Variants in SPARCL1 observed in about 807,000 individuals in gnomAD.
SPARCL1 encodes SPARC like 1.
In SPARCL1, 52 loss-of-function variants were observed where a neutral mutation model predicts 67.1. The observed-to-expected ratio is 0.78, with a 90% CI of 0.62 to 0.98. SPARCL1 has a LOEUF of 0.98. Among genes scored for constraint, SPARCL1 ranks in the 50% least tolerant of loss-of-function variants. SPARCL1 has a pLI of 0.00. For missense variants in SPARCL1, 717 were observed against 782.4 expected (o/e 0.92, Z 1.00); for synonymous variants, 226 against 267.8 (o/e 0.84, Z 1.52).
chr4:87,494,579 A>G lies in SPARCL1; in HGVS notation c.221T>C (p.Leu74Pro). ...TTCATGGCTTTCCTCTTTTGACTTTAGTACTGATGATTTTTCAGCCTTAAA... is the reference window on the plus strand; with the variant it reads ...TTCATGGCTTTCCTCTTTTGACTTTGGTACTGATGATTTTTCAGCCTTAAA... ...SHHKAEKSSV[L>P]KSKEESHEQS... is the part of the protein sequence containing the mutation. Residue 74 changes from leucine to proline, a missense_variant, in exon 4 of 11, where the codon CTA (leucine) becomes CCA (proline). Leu to Pro is a moderately conservative substitution (Grantham distance 98). Coordinates refer to ENST00000282470, the MANE Select transcript of SPARCL1 (RefSeq NM_004684.6). 6.3e-7 allele frequency: 1 copy of G among 1,581,442 alleles called. No homozygotes were observed. Among genetic ancestry groups the G allele is most frequent in the Middle Eastern group, 1.7e-4 (1 of 5,874 alleles).
intron 1 of SPARCL1, among the ~76,000 whole-genome samples, chr4:87,499,912 T>C (rs982406899): frequency 6.6e-6 from 1 of 152,028 alleles, no homozygotes; most frequent in African/African-American, 2.4e-5. Flanking sequence ...AAAAGTCATA[T>C]GTCAAGGTTG....
chr4:87,492,599 G>A (rs949520787), intron 4 of SPARCL1, among the ~76,000 whole-genome samples: 4 of 152,160 alleles, frequency 2.6e-5, no homozygotes, highest in African/African-American at 9.7e-5. Flanking sequence ...TAGAAATGTA[G>A]TATTATCTTG....
At chr4:87,493,366 C>T (rs1451738586) in intron 4 of SPARCL1, among the ~76,000 whole-genome samples, 1 of 152,212 alleles carries the variant, frequency 6.6e-6, no homozygotes, top group Non-Finnish European at 1.5e-5. Context: ...AAATAAACAA[C>T]ACTCAAATCC....
intron 1 of SPARCL1, among the ~76,000 whole-genome samples, chr4:87,503,583 T>G (rs1724934717): frequency 6.6e-6 from 1 of 152,158 alleles, no homozygotes; most frequent in Non-Finnish European, 1.5e-5. Flanking sequence ...CATATTTTCC[T>G]CTGTCATTAT....
At chr4:87,527,879 C>T (rs1726115417) in intron 1 of SPARCL1, among the ~76,000 whole-genome samples, 2 of 150,008 alleles carry the variant, frequency 1.3e-5, no homozygotes, top group Non-Finnish European at 3.0e-5. Context: ...AAAAAAAAAT[C>T]ATAGTTAACA....
chr4:87,482,209 G>C (rs1029180701), intron 8 of SPARCL1, among the ~76,000 whole-genome samples: 1 of 152,186 alleles, frequency 6.6e-6, no homozygotes, highest in Non-Finnish European at 1.5e-5. Context: ...TCAGGCCACT[G>C]ACCATTGGGA....
At position 87,491,647 on chromosome 4, in the gene SPARCL1, C is replaced by T. The variant is rs1724332116; in HGVS notation, c.1262G>A (p.Ser421Asn). The change falls in exon 5 of 11, where the codon AGT becomes AAT. Residue 421 changes from serine to asparagine, a missense_variant. Coordinates refer to ENST00000282470, the MANE Select transcript of SPARCL1 (RefSeq NM_004684.6). ...AGCATGCACCCTCATGTTGCCTTCA[C>T]TTGACGTTTCCTCCTCATTTGATGA... The part of the protein sequence containing the change: ...ENSSNEEETS[S>N]EGNMRVHAVD... 3.1e-6 allele frequency: 5 copies of T among 1,613,942 alleles called. No homozygotes were observed. The East Asian group carries it at 1.1e-4, about 36-fold the overall frequency.
chr4:87,527,319 G>T (rs1726089070), intron 1 of SPARCL1, among the ~76,000 whole-genome samples: 1 of 152,060 alleles, frequency 6.6e-6, no homozygotes, highest in Non-Finnish European at 1.5e-5. Flanking sequence ...ATTTATGGGG[G>T]TCTCCTTCTC....
chr4:87,527,519 T>C (rs899539282), intron 1 of SPARCL1, among the ~76,000 whole-genome samples: 1 of 152,192 alleles, frequency 6.6e-6, no homozygotes, highest in Non-Finnish European at 1.5e-5. Context: ...AAATAAATAA[T>C]GTTTTCAAGT....
At chr4:87,499,657 C>T in intron 1 of SPARCL1, 72 bp from the exon 2 acceptor site, 1 of 1,059,682 alleles carries the variant, frequency 9.4e-7, no homozygotes. Context: ...ATAGTCTTAG[C>T]AAATACTGAG....
intron 1 of SPARCL1, among the ~76,000 whole-genome samples, chr4:87,514,285 G>C (rs1008271596): frequency 2.6e-5 from 4 of 152,220 alleles, no homozygotes; most frequent in Non-Finnish European, 5.9e-5. Context: ...GCTATCGAAT[G>C]CTGAGAATCC....
Position 87,493,732 on chromosome 4 carries a change from A to G in SPARCL1, c.1068T>C (p.Ser356=). 1 of 1,614,140 alleles carries G rather than the reference A, an allele frequency of 6.2e-7. No homozygotes were observed. Among genetic ancestry groups the G allele is most frequent in the Non-Finnish European group, 8.5e-7 (1 of 1,180,026 alleles). ...DDGGTDGPRH[S]ASDDYFIPSQ... ...TTGGGATGAAGTAGTCATCACTTGC[A>G]CTGTGCCTGGGGCCATCAGTGCCGC... is the stretch of plus-strand genomic sequence containing the variant. Residue 356 remains serine (S), a synonymous_variant, in exon 4 of 11, where the codon AGT becomes AGC. Transcript: ENST00000282470.
At chr4:87,480,820 C>CCTTTTTTTTTTTTTTTTTTTT (rs59503255) in intron 8 of SPARCL1, among the ~76,000 whole-genome samples, 1 of 133,384 alleles carries the variant, frequency 7.5e-6, no homozygotes, top group African/African-American at 2.6e-5. Flanking sequence ...ATGTTCGCTG[C>CCTTTTTTTTTTTTTTTTTTTT]TTTTTTTTTT....
intron 10 of SPARCL1, among the ~76,000 whole-genome samples, chr4:87,475,642 C>T (rs1020016884): frequency 2.6e-5 from 4 of 152,152 alleles, no homozygotes; most frequent in African/African-American, 4.8e-5. Flanking sequence ...TAAAGTTCCA[C>T]GTTACTAATC....
rs77798790 is a variant in SPARCL1, at chr4:87,501,936, C to T, written c.-11-2351G>A. ...ACAGTGTGTCTATCATTCTGGGAAA[C>T]TTTCTCACTTTTACCTTACATCTCT... On this transcript the variant is annotated intron_variant, in intron 1 of 10. Transcript: ENST00000282470. Among the ~76,000 whole-genome samples the T allele has an allele frequency of 4.2e-3, 634 of 150,938 alleles. 2 individuals carry two copies. Among genetic ancestry groups the T allele is most frequent in the Middle Eastern group, 6.9e-3 (2 of 290 alleles).
chr4:87,494,307 C>T lies in SPARCL1; in HGVS notation c.493G>A (p.Glu165Lys), dbSNP rs1417223760. 4 of 1,614,062 alleles carry T rather than the reference C, an allele frequency of 2.5e-6. No individual in the cohort carries two copies. The highest frequency in any genetic ancestry group is 3.4e-6 in the Non-Finnish European group (4 of 1,180,028). ...TGATGTGAATAATTTCTAGGTTGTT[C>T]TTGGTTTTCCTCTCTCTTTGTGATA... ...ESITKREENQEQPRNYSHHQL... is the reference protein window; with the variant it reads ...ESITKREENQKQPRNYSHHQL... The change falls in exon 4 of 11, where the codon GAA (glutamate) becomes AAA (lysine). Residue 165 changes from glutamate (E) to lysine (K), a missense_variant. Coordinates refer to ENST00000282470, the MANE Select transcript of SPARCL1 (RefSeq NM_004684.6).
chr4:87,514,427 C>T (rs1311486665), intron 1 of SPARCL1, among the ~76,000 whole-genome samples: 1 of 151,964 alleles, frequency 6.6e-6, no homozygotes, highest in Non-Finnish European at 1.5e-5. Context: ...TTTACTGAGT[C>T]CAAAGATGGA....
Position 87,526,241 on chromosome 4 carries a change from C to T in SPARCL1, c.-12+2804G>A, listed in dbSNP as rs144864494. On this transcript the variant is annotated intron_variant, in intron 1 of 10. Coordinates refer to ENST00000282470, the MANE Select transcript of SPARCL1 (RefSeq NM_004684.6). ...TGAAGTCTCATAGTAATAAATACCT[C>T]GTGTTGAGGCCCCCCACCAGGGGAA... 1.8e-4 allele frequency among the ~76,000 whole-genome samples: 27 copies of T among 152,294 alleles called. No homozygotes were observed. The East Asian group carries it at 4.6e-3, about 26-fold the overall frequency.
intron 1 of SPARCL1, among the ~76,000 whole-genome samples, chr4:87,511,657 T>C (rs1725361578): frequency 6.6e-6 from 1 of 152,036 alleles, no homozygotes; most frequent in African/African-American, 2.4e-5. Context: ...AAGTGTTAAA[T>C]GTCACAGAGA....
Sources: gnomAD v4.1 joint callset for allele counts (sites outside exome capture counted in the v4.1 genomes callset) on GRCh38, gnomAD v4.1.1 for gene constraint, MANE v1.5 for transcripts, NCBI Gene and HGNC (gene_info 2026-07-23, HGNC 2026-07-21) for gene names.